The following SAMD15 variants were observed in gnomAD, a reference collection of about 807,000 sequenced individuals.
SAMD15 encodes the protein sterile alpha motif domain-containing protein 15.
SAMD15 carries 37 observed loss-of-function variants against 50.5 expected under a neutral mutation model. The ratio of observed to expected loss-of-function variants is 0.73; its 90% CI spans 0.56 to 0.96. The LOEUF (loss-of-function observed/expected upper bound fraction) is 0.96. Among genes scored for constraint, SAMD15 ranks in the 40% least tolerant of loss-of-function variants. The pLI is 0.00. For missense variants in SAMD15, 789 were observed against 783.8 expected (o/e 1.01, Z -0.08); for synonymous variants, 255 against 282.8 (o/e 0.90, Z 0.99).
rs868107591 is a variant in SAMD15 at position 77,377,511 on chromosome 14, G to T, written c.93G>T (p.Leu31Phe). ...CTGAACTGCCTGGACTTCATAAATTGTATGAAAATGCCGAACCAGACACCA... is the reference window on the plus strand; with the variant it reads ...CTGAACTGCCTGGACTTCATAAATTTTATGAAAATGCCGAACCAGACACCA... ...ERPELPGLHK[L>F]YENAEPDTMA... The change falls in exon 1 of 3, where the codon TTG becomes TTT. Residue 31 changes from leucine to phenylalanine, a missense_variant. This residue lies in a region of SAMD15 where 770 missense variants were observed against 745.4 expected (regional missense o/e 1.03). Transcript: ENST00000216471. The T allele has an allele frequency of 2.2e-5, 35 of 1,614,156 alleles. 2 individuals carry two copies. In the Middle Eastern group the frequency reaches 5.1e-3, roughly 236 times the overall value.
At position 77,378,404 on chromosome 14, in the gene SAMD15, TAGAAG is replaced by T; in HGVS notation, c.990_994del (p.Glu330AspfsTer7). On this transcript the variant is annotated frameshift_variant, in exon 1 of 3. Transcript: ENST00000216471. LOFTEE classifies it high-confidence loss of function. Reference sequence around the variant, plus strand: ...ACTGATGAGAACGTTCCTGAGCCACTAGAAGAGATCAAATTAGAGTTTCCTGAGGA... The same window carrying T: ...ACTGATGAGAACGTTCCTGAGCCACTAGATCAAATTAGAGTTTCCTGAGGA... 6.2e-7 allele frequency: 1 copy of T among 1,614,048 alleles called. No individual in the cohort carries two copies. The highest frequency in any genetic ancestry group is 1.7e-5 in the Admixed American group (1 of 59,976).
Position 77,391,111 on chromosome 14 carries a change from A to G in SAMD15, c.1892A>G (p.Gln631Arg). 4.3e-6 allele frequency: 7 copies of G among 1,613,838 alleles called. No individual in the cohort carries two copies. The highest frequency in any genetic ancestry group is 5.9e-6 in the Non-Finnish European group (7 of 1,179,712). ...GATATTATCGGCTTATATTTAGAGC[A>G]AAAAGGTCATACTGGGATAAAATCT... ...YRDIIGLYLE[Q>R]KGHTGIKSDS... is the part of the protein sequence containing the mutation. The change falls in exon 3 of 3, where the codon CAA becomes CGA. Residue 631 changes from glutamine (Q) to arginine (R), a missense_variant. By Grantham distance (43) the Gln-to-Arg change is conservative (BLOSUM62 1). Around this residue, in one of 2 missense-constraint regions of SAMD15, gnomAD observed 770 missense variants for 745.4 expected, o/e 1.03. Coordinates refer to ENST00000216471, the MANE Select transcript of SAMD15 (RefSeq NM_001010860.4).
rs369965792 is a variant in SAMD15 at position 77,378,190 on chromosome 14, G to A, written c.772G>A (p.Glu258Lys). ...TGAGAAGAAAAGGACAGAGCCACCC[G>A]AGCAGGCTAGACTGGAATTTCTGGA... ...STEKKRTEPPEQARLEFLEKE... is the reference protein window; with the variant it reads ...STEKKRTEPPKQARLEFLEKE... Residue 258 changes from glutamate to lysine, a missense_variant, in exon 1 of 3, where the codon GAG becomes AAG. This residue lies in a region of SAMD15 where 770 missense variants were observed against 745.4 expected (regional missense o/e 1.03). Coordinates refer to ENST00000216471, the MANE Select transcript of SAMD15 (RefSeq NM_001010860.4). The A allele has an allele frequency of 5.6e-5, 90 of 1,613,942 alleles. No homozygotes were observed. Among genetic ancestry groups the A allele is most frequent in the Non-Finnish European group, 7.1e-5 (84 of 1,180,008 alleles).
At chr14:77,379,277 T>G in intron 1 of SAMD15, 170 bp downstream of exon 1, 1 of 626,552 alleles carries the variant, frequency 1.6e-6, no homozygotes, top group Non-Finnish European at 2.8e-6. Context: ...GATGTATATT[T>G]GTATTTTGGG....
rs1387657565 is a variant in SAMD15 at position 77,391,596 on chromosome 14, T to G, written c.*352T>G. 2 of 179,460 alleles carry G rather than the reference T, an allele frequency of 1.1e-5. No homozygotes were observed. The highest frequency in any genetic ancestry group is 2.3e-5 in the Non-Finnish European group (2 of 86,556). The allele number at this position is 179,460 out of a possible 1,614,324, so 11.1% of individuals were successfully genotyped here. On this transcript the variant is annotated 3_prime_UTR_variant, in exon 3 of 3. Coordinates refer to ENST00000216471, the MANE Select transcript of SAMD15 (RefSeq NM_001010860.4). ...TCCCAAAGTGCTGGGATTACAAGCG[T>G]GACCTACCGCACCTGGCCCTTTTTC...
In SAMD15 at chr14:77,379,125, G is replaced by A; in HGVS notation, c.1689+18G>A. On this transcript the variant is annotated intron_variant, in intron 1 of 2. Coordinates refer to ENST00000216471, the MANE Select transcript of SAMD15 (RefSeq NM_001010860.4). ...AATACAAGGTATACAAAAATAAGATGTTTTGAAATCACATGCTGTCATCCG... is the reference window on the plus strand; with the variant it reads ...AATACAAGGTATACAAAAATAAGATATTTTGAAATCACATGCTGTCATCCG... 1 of 1,602,400 alleles carries A rather than the reference G, an allele frequency of 6.2e-7. No individual in the cohort carries two copies. Among genetic ancestry groups the A allele is most frequent in the Middle Eastern group, 1.7e-4 (1 of 5,998 alleles).
In SAMD15 at chr14:77,389,496, A is replaced by ATTTTT. The variant is rs768983521; in HGVS notation, c.1789-1494_1789-1490dup. On this transcript the variant is annotated intron_variant, in intron 2 of 2. Transcript: ENST00000216471. ...ACTAGAATTTGAAAAGGCAATCACA[A>ATTTTT]TTTTTTTTTTTTTTTTTTTTTTGAG... Among the ~76,000 whole-genome samples, 894 of 111,608 alleles carry ATTTTT rather than the reference A, an allele frequency of 8.0e-3. 21 individuals are homozygous for ATTTTT. Among genetic ancestry groups the ATTTTT allele is most frequent in the Non-Finnish European group, 0.011 (619 of 57,348 alleles). The allele number at this position is 111,608 out of a possible 152,430, so 73.2% of individuals were successfully genotyped here. A position where few individuals can be genotyped will look rare whatever the true frequency, so the allele number is the denominator to read the frequency against.
chr14:77,379,417 G>A (rs796473220), intron 1 of SAMD15, among the ~76,000 whole-genome samples: 15 of 147,882 alleles, frequency 1.0e-4, no homozygotes, highest in African/African-American at 3.3e-4. Context: ...ACACAATCTC[G>A]CTCTTGCCAA....
At chr14:77,384,798 G>T (rs1893985577) in intron 2 of SAMD15, among the ~76,000 whole-genome samples, 1 of 152,134 alleles carries the variant, frequency 6.6e-6, no homozygotes. Flanking sequence ...TTAACAGAAA[G>T]ATCTAGGAAA....
Position 77,377,951 on chromosome 14 carries a change from A to G in SAMD15, c.533A>G (p.Glu178Gly). ...GAGGTTTCGGGGGCCACAGTCAGAG[A>G]GAGAAATTTAGAATTACTAGAGGAG... The part of the protein sequence containing the change: ...MSEVSGATVR[E>G]RNLELLEEET... Residue 178 changes from glutamate to glycine, a missense_variant, in exon 1 of 3, where the codon GAG becomes GGG. Glu to Gly is a moderately conservative substitution (Grantham distance 98, BLOSUM62 -2). Transcript: ENST00000216471. The G allele has an allele frequency of 1.2e-6, 2 of 1,614,092 alleles. No individual in the cohort carries two copies. The highest frequency in any genetic ancestry group is 1.7e-6 in the Non-Finnish European group (2 of 1,180,006).
In SAMD15 at chr14:77,378,634, T is replaced by G; in HGVS notation, c.1216T>G (p.Leu406Val). 1 of 1,613,686 alleles carries G rather than the reference T, an allele frequency of 6.2e-7. No homozygotes were observed. Among genetic ancestry groups the G allele is most frequent in the Non-Finnish European group, 8.5e-7 (1 of 1,179,934 alleles). The change falls in exon 1 of 3, where the codon TTA becomes GTA. Residue 406 changes from leucine (L) to valine (V), a missense_variant. Around this residue, in one of 2 missense-constraint regions of SAMD15, gnomAD observed 770 missense variants for 745.4 expected, o/e 1.03. Transcript: ENST00000216471. ...QTKPTEKILE[L>V]PDETKPRETH... ...AAAGCCAACTGAGAAAATTCTAGAG[T>G]TACCAGATGAAACCAAACCAAGGGA...
chr14:77,388,102 C>T (rs1035878686), intron 2 of SAMD15, among the ~76,000 whole-genome samples: 2 of 152,154 alleles, frequency 1.3e-5, no homozygotes, highest in Non-Finnish European at 2.9e-5. Flanking sequence ...CATTACAATA[C>T]TGTGCAAAAC....
At position 77,377,438 on chromosome 14, in the gene SAMD15, A is replaced by G; in HGVS notation, c.20A>G (p.Asp7Gly). Reference protein sequence around the residue: MAEVPEDYDSGPDEDGE... With the variant: MAEVPEGYDSGPDEDGE... ...CTGCAAATGGCTGAAGTCCCGGAGG[A>G]TTATGATTCCGGCCCAGATGAAGAT... is the stretch of plus-strand genomic sequence containing the variant. Residue 7 changes from aspartate (D) to glycine (G), a missense_variant, in exon 1 of 3, where the codon GAT (aspartate) becomes GGT (glycine). Asp to Gly is a moderately conservative substitution (Grantham distance 94). Around this residue, in one of 2 missense-constraint regions of SAMD15, gnomAD observed 770 missense variants for 745.4 expected, o/e 1.03. Coordinates refer to ENST00000216471, the MANE Select transcript of SAMD15 (RefSeq NM_001010860.4). The G allele has an allele frequency of 6.2e-7, 1 of 1,610,924 alleles. No homozygotes were observed. Among genetic ancestry groups the G allele is most frequent in the South Asian group, 1.1e-5 (1 of 90,822 alleles).
At chr14:77,386,971 G>A (rs1426279377) in intron 2 of SAMD15, among the ~76,000 whole-genome samples, 31 of 152,182 alleles carry the variant, frequency 2.0e-4, no homozygotes, top group African/African-American at 1.4e-4. Flanking sequence ...GTGATGCCAC[G>A]CACTGAGTAT....
chr14:77,388,480 A>G (rs1894032975), intron 2 of SAMD15, among the ~76,000 whole-genome samples: 1 of 150,764 alleles, frequency 6.6e-6, no homozygotes, highest in South Asian at 2.1e-4. Context: ...TGGCATGATC[A>G]TGGCTCCTCA....
intron 2 of SAMD15, among the ~76,000 whole-genome samples, chr14:77,389,615 C>G (rs1894048449): frequency 6.6e-6 from 1 of 151,292 alleles, no homozygotes. Context: ...ATTCTCCTGC[C>G]TCAGCCTCCC....
chr14:77,378,136 A>C lies in SAMD15; in HGVS notation c.718A>C (p.Thr240Pro), dbSNP rs1893877056. Residue 240 changes from threonine to proline, a missense_variant, in exon 1 of 3, where the codon ACT (threonine) becomes CCT (proline). By Grantham distance (38) the Thr-to-Pro change is conservative (BLOSUM62 -1). Around this residue, in one of 2 missense-constraint regions of SAMD15, gnomAD observed 770 missense variants for 745.4 expected, o/e 1.03. Coordinates refer to ENST00000216471, the MANE Select transcript of SAMD15 (RefSeq NM_001010860.4). ...GCCACCAAAGATGACCAAACCAGAG[A>C]CTCCAGAGGAGACACAAAGAGAGTC... ...LQPPKMTKPE[T>P]PEETQRESTE... 3 of 1,613,280 alleles carry C rather than the reference A, an allele frequency of 1.9e-6. No individual in the cohort carries two copies. The highest frequency in any genetic ancestry group is 2.5e-6 in the Non-Finnish European group (3 of 1,179,846).
Position 77,391,274 on chromosome 14 carries a change from T to C in SAMD15, c.*30T>C. On this transcript the variant is annotated 3_prime_UTR_variant, in exon 3 of 3. Coordinates refer to ENST00000216471, the MANE Select transcript of SAMD15 (RefSeq NM_001010860.4). Reference sequence around the variant, plus strand: ...AATCCACTTCACAGAGCTTGAAAGATCAAACTAAATTACTTGAGGGAAGAG... The same window carrying C: ...AATCCACTTCACAGAGCTTGAAAGACCAAACTAAATTACTTGAGGGAAGAG... The C allele has an allele frequency of 7.3e-7, 1 of 1,362,564 alleles. No individual in the cohort carries two copies. The highest frequency in any genetic ancestry group is 1.0e-6 in the Non-Finnish European group (1 of 964,536). 84.4% of individuals were successfully genotyped at this position (1,362,564 alleles called of 1,614,324 possible).
rs544480115 is a variant in SAMD15, at chr14:77,391,968, C to A, written c.*724C>A. Reference sequence around the variant, plus strand: ...ACTCAGGAGGCTGAGGCAGAAGAATCATTTGAACCCAGGAAACAGAGGTTA... The same window carrying A: ...ACTCAGGAGGCTGAGGCAGAAGAATAATTTGAACCCAGGAAACAGAGGTTA... On this transcript the variant is annotated 3_prime_UTR_variant, in exon 3 of 3. Transcript: ENST00000216471. Among the ~76,000 whole-genome samples the A allele has an allele frequency of 6.6e-6, 1 of 152,220 alleles. No individual in the cohort carries two copies. The highest frequency in any genetic ancestry group is 1.9e-4 in the East Asian group (1 of 5,164).
Sources: gnomAD v4.1 joint callset for allele counts (sites outside exome capture counted in the v4.1 genomes callset) on GRCh38, gnomAD v4.1.1 for gene constraint, gnomAD v4.1.1 regional missense constraint, MANE v1.5 for transcripts, NCBI Gene and HGNC (gene_info 2026-07-23, HGNC 2026-07-21) for gene names.